CLK4: variants seen among roughly 807,000 people sequenced by gnomAD.
CLK4 encodes dual specificity protein kinase CLK4.
In CLK4, 37 loss-of-function variants were observed where a neutral mutation model predicts 64.4. The ratio of observed to expected loss-of-function variants is 0.57; its 90% CI spans 0.44 to 0.76. The LOEUF (loss-of-function observed/expected upper bound fraction) is 0.76, where lower values mean the gene tolerates loss of function less well. CLK4 is among the 30% of genes least tolerant of loss of function. The pLI is 0.00. For missense variants in CLK4, 457 were observed against 605.1 expected (o/e 0.76, Z 2.57); for synonymous variants, 175 against 191.6 (o/e 0.91, Z 0.72).
intron 11 of CLK4, 84 bp downstream of exon 11, chr5:178,605,219 G>T: frequency 1.4e-6 from 1 of 728,442 alleles, no homozygotes; most frequent in Non-Finnish European, 2.1e-6. Flanking sequence ...CTTGGAATCA[G>T]TATTACAACA....
intron 7 of CLK4, among the ~76,000 whole-genome samples, chr5:178,613,197 C>A (rs970330294): frequency 8.5e-5 from 13 of 152,186 alleles, no homozygotes; most frequent in African/African-American, 2.9e-4. Context: ...CCGAGGGGGG[C>A]AATCACAAGG....
chr5:178,625,520 G>A (rs552274379), intron 1 of CLK4, among the ~76,000 whole-genome samples: 1 of 152,028 alleles, frequency 6.6e-6, no homozygotes, highest in South Asian at 2.1e-4. Flanking sequence ...ACCACATCAG[G>A]AACTCAGCTT....
intron 10 of CLK4, among the ~76,000 whole-genome samples, chr5:178,607,726 G>A (rs1764488685): frequency 6.6e-6 from 1 of 151,660 alleles, no homozygotes; most frequent in African/African-American, 2.4e-5. Flanking sequence ...TAGCCAGGAT[G>A]GTCTCGATCT....
chr5:178,611,290 C>A (rs10051137), intron 9 of CLK4, among the ~76,000 whole-genome samples: 17,685 of 152,156 alleles, frequency 0.12, 1,318 homozygotes, highest in East Asian at 0.35. Context: ...TTCTTTTACC[C>A]TTACACAGTA....
intron 2 of CLK4, chr5:178,622,975 C>T: frequency 2.9e-6 from 1 of 341,924 alleles, no homozygotes. Context: ...ACGTTACTGG[C>T]AGTTGGGACT....
intron 1 of CLK4, among the ~76,000 whole-genome samples, chr5:178,623,718 C>T (rs914014245): frequency 1.5e-4 from 23 of 151,550 alleles, no homozygotes; most frequent in Non-Finnish European, 2.2e-4. Context: ...CACTTGCTAA[C>T]TGCCTTTTTA....
At chr5:178,612,360 A>G in intron 9 of CLK4, 56 bp downstream of exon 9, 2 of 1,505,206 alleles carry the variant, frequency 1.3e-6, no homozygotes, top group African/African-American at 1.4e-5. Flanking sequence ...GTAAAGCTGT[A>G]AAGAACAAAA....
intron 3 of CLK4, 48 bp downstream of exon 3, chr5:178,618,508 T>TCCACTCAAATTGAAA: frequency 1.6e-6 from 2 of 1,263,310 alleles, no homozygotes; most frequent in Non-Finnish European, 1.1e-6. Flanking sequence ...TCGTTAAGAG[T>TCCACTCAAATTGAAA]ACACACAAAT....
chr5:178,625,100 A>C (rs944192747), intron 1 of CLK4, among the ~76,000 whole-genome samples: 1 of 152,188 alleles, frequency 6.6e-6, no homozygotes, highest in Non-Finnish European at 1.5e-5. Flanking sequence ...TCACTTCCAT[A>C]TGGGAACGTG....
chr5:178,609,323 TATA>T (rs1475870400), intron 9 of CLK4, among the ~76,000 whole-genome samples: 1 of 152,260 alleles, frequency 6.6e-6, no homozygotes, highest in Admixed American at 6.5e-5. Context: ...CAAGTCAATA[TATA>T]ATGACTTAAG....
At position 178,613,326 on chromosome 5, in the gene CLK4, C is replaced by T. The variant is rs776509103; in HGVS notation, c.826+147G>A. 180 of 401,318 alleles carry T rather than the reference C, an allele frequency of 4.5e-4. 1 individual carries two copies. The highest frequency in any genetic ancestry group is 5.7e-4 in the Non-Finnish European group (142 of 247,074). The allele number at this position is 401,318 out of a possible 1,614,324, so 24.9% of individuals were successfully genotyped here. On this transcript the variant is annotated intron_variant, in intron 7 of 12. Transcript: ENST00000316308. ...GTCCCAGCTACTCGGGAGGCTGAGG[C>T]AGGAAAATGGCGTGAACCCGGGAGG...
intron 2 of CLK4, chr5:178,619,897 C>G (rs1225728109): frequency 1.3e-6 from 1 of 785,234 alleles, no homozygotes; most frequent in African/African-American, 1.8e-5. Context: ...ACATGGAGCA[C>G]TGAGGGAGAG....
At chr5:178,616,054 G>A (rs1252390418) in intron 5 of CLK4, among the ~76,000 whole-genome samples, 1 of 152,120 alleles carries the variant, frequency 6.6e-6, no homozygotes, top group African/African-American at 2.4e-5. Flanking sequence ...TAATTTCAAT[G>A]ATTTCCCCCT....
chr5:178,623,200 A>C, intron 2 of CLK4, 56 bp downstream of exon 2: 1 of 1,487,004 alleles, frequency 6.7e-7, no homozygotes, highest in East Asian at 2.3e-5. Context: ...TAAGCAAATG[A>C]CAAATCATTT....
In CLK4 at chr5:178,623,282, T is replaced by A. The variant is rs777306093; in HGVS notation, c.135A>T (p.Pro45=). 6.2e-7 allele frequency: 1 copy of A among 1,613,942 alleles called. No homozygotes were observed. Residue 45 remains proline (P), a synonymous_variant, in exon 2 of 13, where the codon CCA becomes CCT. Transcript: ENST00000316308. ...AATCAGATTCTTTAAACTGGTGATGTGGTTTACAATGCCTGTTCTCTTGTG... is the reference window on the plus strand; with the variant it reads ...AATCAGATTCTTTAAACTGGTGATGAGGTTTACAATGCCTGTTCTCTTGTG... ...SSTQENRHCK[P]HHQFKESDCH...
intron 2 of CLK4, 119 bp from the exon 3 acceptor site, chr5:178,618,897 C>T (rs1764666288): frequency 1.5e-6 from 1 of 687,696 alleles, no homozygotes; most frequent in Admixed American, 2.9e-5. Flanking sequence ...AAAATTCAAA[C>T]AGATGAATTA....
At chr5:178,608,669 G>C (rs1231083006) in intron 9 of CLK4, among the ~76,000 whole-genome samples, 1 of 152,132 alleles carries the variant, frequency 6.6e-6, no homozygotes, top group Non-Finnish European at 1.5e-5. Context: ...ATTCTAACTA[G>C]GGAGGGGTGC....
At position 178,617,426 on chromosome 5, in the gene CLK4, G is replaced by A. The variant is rs1345248582; in HGVS notation, c.393C>T (p.His131=). Reference sequence around the variant, plus strand: ...CTATACTCCTGGATCTTTTCCTTCGGTGGCTCTTCTGGAACGGCAAGTGGG... The same window carrying A: ...CTATACTCCTGGATCTTTTCCTTCGATGGCTCTTCTGGAACGGCAAGTGGG... ...CSSHQSRSKS[H]RRKRSRSIED... The change falls in exon 4 of 13, where the codon CAC becomes CAT. Residue 131 remains histidine (H), a synonymous_variant. Transcript: ENST00000316308. This position sits in a 1 kb window ranked among gnomAD's most constrained non-coding sequence, Gnocchi z 5.2. The A allele has an allele frequency of 1.9e-6, 3 of 1,613,536 alleles. No individual in the cohort carries two copies. Among genetic ancestry groups the A allele is most frequent in the Non-Finnish European group, 2.5e-6 (3 of 1,179,682 alleles).
At chr5:178,605,945 A>G (rs1430137641) in intron 10 of CLK4, 1 of 152,202 alleles carries the variant, frequency 6.6e-6, no homozygotes, top group Non-Finnish European at 1.5e-5. Flanking sequence ...TTCTTTTTGT[A>G]AAAACAGGCA....
Sources: allele counts gnomAD v4.1 joint callset (sites outside exome capture counted in the v4.1 genomes callset), GRCh38; gene constraint gnomAD v4.1.1; non-coding constraint Gnocchi (gnomAD v3.1); transcripts MANE v1.5; gene names NCBI Gene and HGNC (gene_info 2026-07-23, HGNC 2026-07-21).